CSMD1: variants seen among roughly 807,000 people sequenced by gnomAD.
The protein encoded by CSMD1 is CUB and sushi domain-containing protein 1.
A neutral mutation model predicts 417.5 loss-of-function variants in CSMD1; 213 were observed. The ratio of observed to expected loss-of-function variants is 0.51; its 90% CI spans 0.46 to 0.57. The LOEUF (loss-of-function observed/expected upper bound fraction) is 0.57. CSMD1 is among the 20% of genes least tolerant of loss of function. The probability of loss-of-function intolerance (pLI) is 0.00; values close to 1 mark genes in which losing one functional copy is unlikely to be tolerated. For synonymous variants in CSMD1, 2,862 were observed against 1,736.8 expected, an observed-to-expected ratio of 1.65 and a Z score of -16.11; for missense variants, 6,923 against 4,529.7, an observed-to-expected ratio of 1.53 and a Z score of -15.17.
At chr8:4,885,489 C>G (rs983777936) in intron 1 of CSMD1, among the ~76,000 whole-genome samples, 2 of 151,934 alleles carry the variant, frequency 1.3e-5, no homozygotes, top group Non-Finnish European at 2.9e-5. Context: ...TGTCCTTTAT[C>G]AAGTTGAGAA....
intron 3 of CSMD1, among the ~76,000 whole-genome samples, chr8:4,045,441 T>C (rs953713726): frequency 2.6e-5 from 4 of 152,178 alleles, no homozygotes; most frequent in African/African-American, 9.7e-5. Context: ...AAATGACTGC[T>C]GAGAACGTCG....
intron 3 of CSMD1, among the ~76,000 whole-genome samples, chr8:4,356,004 C>G (rs1036361429): frequency 6.6e-6 from 1 of 152,026 alleles, no homozygotes; most frequent in South Asian, 2.1e-4. Context: ...GTACATGTGG[C>G]ATTTGGTTAC....
At chr8:3,359,392 A>C in intron 20 of CSMD1, 52 bp from the exon 21 acceptor site, 1 of 1,364,056 alleles carries the variant, frequency 7.3e-7, no homozygotes, top group Non-Finnish European at 1.0e-6. Context: ...TAAATACACA[A>C]AGATTAAATA....
chr8:3,339,642 T>C (rs890050419), intron 23 of CSMD1, among the ~76,000 whole-genome samples: 5 of 152,194 alleles, frequency 3.3e-5, no homozygotes, highest in African/African-American at 1.2e-4. Flanking sequence ...ATCCAATGCT[T>C]CTGTTACTTC....
intron 2 of CSMD1, among the ~76,000 whole-genome samples, chr8:4,456,258 CAG>C (rs1799476800): frequency 6.6e-6 from 1 of 151,690 alleles, no homozygotes; most frequent in African/African-American, 2.4e-5. Flanking sequence ...AAGTATGTAA[CAG>C]AAAAGATGTT....
At position 3,212,562 on chromosome 8, in the gene CSMD1, C is replaced by G. The variant is rs1320559021; in HGVS notation, c.4867+1935G>C. 2.6e-5 allele frequency among the ~76,000 whole-genome samples: 4 copies of G among 152,064 alleles called. No homozygotes were observed. The East Asian group carries it at 7.8e-4, about 29-fold the overall frequency. On this transcript the variant is annotated intron_variant, in intron 30 of 69. Coordinates refer to ENST00000635120, the MANE Select transcript of CSMD1 (RefSeq NM_033225.6). ...AGAGATGGGGTTTTGTCATGTTGCT[C>G]AGGCTGGTCTCAAACTCCTGAGCTC... is the stretch of plus-strand genomic sequence containing the variant.
At chr8:4,083,199 C>CA (rs1184713388) in intron 3 of CSMD1, among the ~76,000 whole-genome samples, 1 of 152,042 alleles carries the variant, frequency 6.6e-6, no homozygotes, top group Non-Finnish European at 1.5e-5. Flanking sequence ...CACTGACTTC[C>CA]ACAATGGTTG....
rs907383915 is a variant in CSMD1, at chr8:3,863,116, G to T, written c.819-109074C>A. ...CCTCAAGCTTTTTTAAAGGTGCGAA[G>T]GTCGGGCGCGGTGGCTAATGCCTGT... On this transcript the variant is annotated intron_variant, in intron 5 of 69. Transcript: ENST00000635120. Among the ~76,000 whole-genome samples the T allele has an allele frequency of 6.6e-5, 10 of 152,142 alleles. No individual in the cohort carries two copies. In the East Asian group the frequency reaches 1.9e-3, roughly 29 times the overall value.
rs116541414 is a variant in CSMD1, at chr8:3,506,798, T to A, written c.1345-13072A>T. Among the ~76,000 whole-genome samples, 1,248 of 152,328 alleles carry A rather than the reference T, an allele frequency of 8.2e-3. 25 individuals carry two copies. Among genetic ancestry groups the A allele is most frequent in the African/African-American group, 0.029 (1,191 of 41,568 alleles). On this transcript the variant is annotated intron_variant, in intron 10 of 69. Coordinates refer to ENST00000635120, the MANE Select transcript of CSMD1 (RefSeq NM_033225.6). ...GGCAGTGATTTACTTCCTCCACACC[T>A]GGATTTTTTAAATGCTTTTCAAGGT...
chr8:4,486,468 T>C (rs1438932433), intron 2 of CSMD1, among the ~76,000 whole-genome samples: 2 of 151,682 alleles, frequency 1.3e-5, no homozygotes, highest in Non-Finnish European at 2.9e-5. Context: ...AAAATATTTC[T>C]TCCTTTATAT....
intron 3 of CSMD1, among the ~76,000 whole-genome samples, chr8:4,175,364 T>C (rs1797984308): frequency 6.6e-6 from 1 of 152,182 alleles, no homozygotes; most frequent in Non-Finnish European, 1.5e-5. Context: ...TTTTTAACAG[T>C]GTTGGGCTCT....
At chr8:3,278,815 A>G (rs550720260) in intron 26 of CSMD1, 4 of 152,162 alleles carry the variant, frequency 2.6e-5, no homozygotes, top group Admixed American at 6.5e-5. Flanking sequence ...TTGGAAAGAC[A>G]CCAGCTTGAT....
At chr8:4,908,112 C>A (rs565686129) in intron 1 of CSMD1, among the ~76,000 whole-genome samples, 1 of 152,214 alleles carries the variant, frequency 6.6e-6, no homozygotes, top group East Asian at 1.9e-4. Flanking sequence ...TTCACTTTTG[C>A]AGTATAATTT....
At chr8:4,322,944 C>G (rs986791311) in intron 3 of CSMD1, among the ~76,000 whole-genome samples, 1 of 152,170 alleles carries the variant, frequency 6.6e-6, no homozygotes, top group African/African-American at 2.4e-5. Flanking sequence ...TAGATCGTGC[C>G]CCTGCAACCC....
intron 5 of CSMD1, among the ~76,000 whole-genome samples, chr8:3,815,630 T>C (rs1801328451): frequency 6.8e-6 from 1 of 146,130 alleles, no homozygotes; most frequent in South Asian, 2.1e-4. Flanking sequence ...GACTTTCTTT[T>C]TTTTTTTTTT....
intron 2 of CSMD1, among the ~76,000 whole-genome samples, chr8:4,429,695 G>C (rs1172455289): frequency 6.6e-6 from 1 of 152,080 alleles, no homozygotes; most frequent in Non-Finnish European, 1.5e-5. Context: ...TACCCCAAAA[G>C]AACAGGAGCT....
chr8:3,137,390 G>C (rs1818164770), intron 41 of CSMD1, among the ~76,000 whole-genome samples: 2 of 152,196 alleles, frequency 1.3e-5, no homozygotes, highest in South Asian at 2.1e-4. Context: ...TTAGCATCAG[G>C]GGGAATAAAC....
intron 4 of CSMD1, among the ~76,000 whole-genome samples, chr8:4,007,071 T>A (rs2740965): frequency 1.3e-5 from 2 of 151,674 alleles, no homozygotes; most frequent in Non-Finnish European, 2.9e-5. Flanking sequence ...ATCTCCTCAC[T>A]TCGTGATCCA....
At chr8:4,489,858 G>A (rs1036185829) in intron 2 of CSMD1, among the ~76,000 whole-genome samples, 9 of 152,112 alleles carry the variant, frequency 5.9e-5, no homozygotes, top group African/African-American at 1.9e-4. Flanking sequence ...CGTAAGCAGG[G>A]TGCCCAGCCA....
Sources: allele counts gnomAD v4.1 joint callset (sites outside exome capture counted in the v4.1 genomes callset), GRCh38; gene constraint gnomAD v4.1.1; transcripts MANE v1.5; gene names NCBI Gene and HGNC (gene_info 2026-07-23, HGNC 2026-07-21).